Variants in NAV2 observed in about 807,000 individuals in gnomAD.
NAV2 encodes the protein neuron navigator 2, also known as helicase, APC down-regulated 1.
A neutral mutation model predicts 223.2 loss-of-function variants in NAV2; 54 were observed. The ratio of observed to expected loss-of-function variants is 0.24; its 90% CI spans 0.19 to 0.30. NAV2 has a LOEUF of 0.30. NAV2 is among the 10% of genes least tolerant of loss of function. The pLI, the probability that NAV2 is intolerant of heterozygous loss-of-function variation, is 1.00. For synonymous variants in NAV2, 1,279 were observed against 1,239.3 expected, an observed-to-expected ratio of 1.03 and a Z score of -0.67; for missense variants, 2,806 against 3,147.5, an observed-to-expected ratio of 0.89 and a Z score of 2.60.
intron 6 of NAV2, among the ~76,000 whole-genome samples, chr11:19,926,203 G>T (rs7118085): frequency 0.14 from 21,989 of 152,070 alleles, 2,033 homozygotes; most frequent in East Asian, 0.36. Flanking sequence ...TTATTGTATA[G>T]ATCCTCATCC....
At chr11:19,547,527 G>A (rs2403496) in intron 1 of NAV2, among the ~76,000 whole-genome samples, 110,254 of 152,036 alleles carry the variant, frequency 0.73, 44,775 homozygotes, top group Non-Finnish European at 0.91. Context: ...ACATCCTCAC[G>A]CTGCACACTG....
At chr11:19,777,942 A>G (rs1026015033) in intron 1 of NAV2, 1 of 455,320 alleles carries the variant, frequency 2.2e-6, no homozygotes. Flanking sequence ...ATTGATCTCT[A>G]CTGCGGTTTG....
intron 1 of NAV2, among the ~76,000 whole-genome samples, chr11:19,381,751 G>T (rs74377521): frequency 0.027 from 4,087 of 152,270 alleles, 91 homozygotes; most frequent in Admixed American, 0.066. Flanking sequence ...TGGCCATTTG[G>T]TTTTTTGGTG....
chr11:19,863,765 T>C (rs549229032), intron 3 of NAV2, among the ~76,000 whole-genome samples: 1 of 152,354 alleles, frequency 6.6e-6, no homozygotes, highest in East Asian at 1.9e-4. Context: ...TTGTGCTTTC[T>C]TTATTAAATG....
intron 1 of NAV2, among the ~76,000 whole-genome samples, chr11:19,574,622 G>A (rs1048200706): frequency 1.7e-4 from 26 of 152,142 alleles, no homozygotes; most frequent in South Asian, 6.2e-4. Context: ...CTTCCATCCC[G>A]TTTATTTTTG....
intron 4 of NAV2, among the ~76,000 whole-genome samples, chr11:19,873,794 C>G (rs2062679365): frequency 6.6e-6 from 1 of 152,212 alleles, no homozygotes; most frequent in Admixed American, 6.5e-5. Flanking sequence ...CTCCCATCCT[C>G]TCATCCCACT....
At chr11:19,359,825 G>A (rs954202862) in intron 1 of NAV2, among the ~76,000 whole-genome samples, 2 of 152,212 alleles carry the variant, frequency 1.3e-5, no homozygotes, top group Admixed American at 6.5e-5. Context: ...CTCCTTGGCT[G>A]TCGGGTCACT....
Position 20,049,842 on chromosome 11 carries a change from C to T in NAV2, c.4377C>T (p.Leu1459=), listed in dbSNP as rs749777510. The change falls in exon 16 of 38, where the codon CTC becomes CTT. Residue 1459 remains leucine (L), a synonymous_variant. Transcript: ENST00000349880. ...SVKTTLSESP[L]SSPAASPKFC... ...TACCTGCCTGGACTTCTAGCCCTCTCTCTTCCCCTGCTGCTAGCCCTAAGT... is the reference window on the plus strand; with the variant it reads ...TACCTGCCTGGACTTCTAGCCCTCTTTCTTCCCCTGCTGCTAGCCCTAAGT... 22 of 1,614,018 alleles carry T rather than the reference C, an allele frequency of 1.4e-5. No homozygotes were observed. Among genetic ancestry groups the T allele is most frequent in the Non-Finnish European group, 1.8e-5 (21 of 1,179,990 alleles).
intron 36 of NAV2, among the ~76,000 whole-genome samples, chr11:20,109,691 G>T (rs2062462263): frequency 6.6e-6 from 1 of 152,244 alleles, no homozygotes; most frequent in South Asian, 2.1e-4. Context: ...ATTGCAGGCA[G>T]ATGAGGTGGA....
chr11:20,085,992 C>CA (rs1313493084), intron 26 of NAV2, among the ~76,000 whole-genome samples: 2 of 152,168 alleles, frequency 1.3e-5, no homozygotes, highest in East Asian at 3.9e-4. Flanking sequence ...CTTCCTGACC[C>CA]AAAAAATAAA....
chr11:19,855,743 A>G (rs1404521705), intron 3 of NAV2, among the ~76,000 whole-genome samples: 1 of 152,184 alleles, frequency 6.6e-6, no homozygotes, highest in African/African-American at 2.4e-5. Flanking sequence ...CTCTCCAAGG[A>G]GATTGTACAG....
intron 10 of NAV2, among the ~76,000 whole-genome samples, chr11:19,956,185 T>G (rs1280421540): frequency 6.6e-6 from 1 of 151,892 alleles, no homozygotes; most frequent in Non-Finnish European, 1.5e-5. Context: ...GAATGGAAAG[T>G]CTCTCTTCCC....
intron 19 of NAV2, 150 bp downstream of exon 19, chr11:20,056,107 G>C: frequency 1.4e-6 from 1 of 706,824 alleles, no homozygotes; most frequent in Non-Finnish European, 2.3e-6. Flanking sequence ...CTGGGGGTCA[G>C]GGGTGGGGAT....
At chr11:19,962,400 T>C (rs564546597) in intron 10 of NAV2, among the ~76,000 whole-genome samples, 2 of 152,236 alleles carry the variant, frequency 1.3e-5, no homozygotes, top group South Asian at 2.1e-4. Context: ...CCCAGCCAAG[T>C]TGACACATAA....
chr11:19,540,877 G>A (rs1020967699), intron 1 of NAV2, among the ~76,000 whole-genome samples: 5 of 152,134 alleles, frequency 3.3e-5, no homozygotes, highest in Non-Finnish European at 5.9e-5. Context: ...GGGTTGCAGA[G>A]CAAAACCCTG....
intron 1 of NAV2, among the ~76,000 whole-genome samples, chr11:19,749,148 C>T (rs927259576): frequency 8.5e-5 from 13 of 152,156 alleles, no homozygotes; most frequent in African/African-American, 3.1e-4. Flanking sequence ...CGATTCATTT[C>T]CCAGTTTGTT....
intron 1 of NAV2, among the ~76,000 whole-genome samples, chr11:19,571,420 A>G (rs573965994): frequency 3.9e-5 from 6 of 152,334 alleles, no homozygotes; most frequent in Middle Eastern, 6.8e-3. Flanking sequence ...ACACTTTAGA[A>G]AACTTTTCGG....
chr11:19,663,545 T>G (rs763078889), intron 1 of NAV2, among the ~76,000 whole-genome samples: 16 of 152,220 alleles, frequency 1.1e-4, no homozygotes, highest in Middle Eastern at 3.2e-3. Flanking sequence ...CCGACCCCCA[T>G]GGTATGGACT....
chr11:19,713,561 T>G lies in NAV2; in HGVS notation c.-135T>G. ...CTTCGAGTTCCCCGACCTGGGGATTTTTTTTTTAGCCGCTGGTGGTGGGCG... is the reference window on the plus strand; with the variant it reads ...CTTCGAGTTCCCCGACCTGGGGATTGTTTTTTTAGCCGCTGGTGGTGGGCG... On this transcript the variant is annotated 5_prime_UTR_variant, in exon 1 of 38. Transcript: ENST00000349880. The surrounding 1 kb of genome is among the most constrained non-coding windows in gnomAD (Gnocchi z 7.2). The G allele has an allele frequency of 1.1e-5, 15 of 1,402,054 alleles. No individual in the cohort carries two copies. The highest frequency in any genetic ancestry group is 1.3e-5 in the Non-Finnish European group (14 of 1,078,312). 86.9% of individuals were successfully genotyped at this position (1,402,054 alleles called of 1,614,324 possible).
Sources: gnomAD v4.1 joint callset for allele counts (sites outside exome capture counted in the v4.1 genomes callset) on GRCh38, gnomAD v4.1.1 for gene constraint, Gnocchi (gnomAD v3.1) non-coding constraint, MANE v1.5 for transcripts, NCBI Gene and HGNC (gene_info 2026-07-23, HGNC 2026-07-21) for gene names.